NELL1: variants seen among roughly 807,000 people sequenced by gnomAD.
The protein encoded by NELL1 is neural EGFL like 1.
NELL1 carries 76 observed loss-of-function variants against 107.4 expected under a neutral mutation model. The ratio of observed to expected loss-of-function variants is 0.71; its 90% CI spans 0.59 to 0.86. The LOEUF (loss-of-function observed/expected upper bound fraction) is 0.86, where lower values mean the gene tolerates loss of function less well. NELL1 is among the 40% of genes least tolerant of loss of function. The pLI is 0.00. For synonymous variants in NELL1, 353 were observed against 341.2 expected, an observed-to-expected ratio of 1.03 and a Z score of -0.38; for missense variants, 1,024 against 1,005.5, an observed-to-expected ratio of 1.02 and a Z score of -0.25.
chr11:21,076,525 TCA>T (rs1329622579), intron 12 of NELL1, among the ~76,000 whole-genome samples: 1 of 152,196 alleles, frequency 6.6e-6, no homozygotes, highest in Non-Finnish European at 1.5e-5. Context: ...CTTCTCAGAC[TCA>T]CAGAGCCAGG....
chr11:21,478,346 CT>C (rs1854401960), intron 15 of NELL1, among the ~76,000 whole-genome samples: 1 of 152,144 alleles, frequency 6.6e-6, no homozygotes, highest in Admixed American at 6.6e-5. Context: ...CATTCTGCCC[CT>C]GGTCTCTCCC....
chr11:21,541,326 C>T (rs1856288092), intron 16 of NELL1, among the ~76,000 whole-genome samples: 1 of 152,042 alleles, frequency 6.6e-6, no homozygotes, highest in African/African-American at 2.4e-5. Flanking sequence ...GTAAATGGCA[C>T]AGTGAGGATT....
chr11:20,856,327 G>A (rs770985991), intron 4 of NELL1, among the ~76,000 whole-genome samples: 2 of 152,118 alleles, frequency 1.3e-5, no homozygotes, highest in South Asian at 2.1e-4. Context: ...CAATTAGAGT[G>A]GAAATAATTT....
chr11:21,112,126 T>G (rs1344612788), intron 12 of NELL1, among the ~76,000 whole-genome samples: 2 of 152,068 alleles, frequency 1.3e-5, no homozygotes, highest in Non-Finnish European at 2.9e-5. Flanking sequence ...TGCAGGAAGT[T>G]GATTGCCTGA....
chr11:21,456,112 C>T (rs1853724343), intron 15 of NELL1, among the ~76,000 whole-genome samples: 1 of 151,990 alleles, frequency 6.6e-6, no homozygotes, highest in South Asian at 2.1e-4. Flanking sequence ...AGTCTGGTCT[C>T]GAACTCCTGG....
intron 14 of NELL1, among the ~76,000 whole-genome samples, chr11:21,293,251 A>G (rs1849309389): frequency 1.3e-5 from 2 of 151,550 alleles, no homozygotes; most frequent in Admixed American, 6.6e-5. Context: ...AAACAACAAA[A>G]AACCCCATCA....
chr11:21,064,419 G>A (rs1056959519), intron 12 of NELL1, among the ~76,000 whole-genome samples: 16 of 152,114 alleles, frequency 1.1e-4, no homozygotes, highest in African/African-American at 3.6e-4. Flanking sequence ...AGAGAGGAGG[G>A]GGTGACAGTC....
intron 16 of NELL1, among the ~76,000 whole-genome samples, chr11:21,548,313 G>A (rs1856492245): frequency 6.6e-6 from 1 of 151,774 alleles, no homozygotes; most frequent in Non-Finnish European, 1.5e-5. Context: ...CAATGTATAG[G>A]TTGTCATGTT....
intron 15 of NELL1, among the ~76,000 whole-genome samples, chr11:21,479,938 G>A (rs1211111789): frequency 6.6e-6 from 1 of 152,012 alleles, no homozygotes; most frequent in Non-Finnish European, 1.5e-5. Context: ...ACAGCTCTAA[G>A]TCATTCATCT....
chr11:21,139,350 C>G (rs915543507), intron 13 of NELL1, among the ~76,000 whole-genome samples: 2 of 152,176 alleles, frequency 1.3e-5, no homozygotes, highest in Non-Finnish European at 2.9e-5. Flanking sequence ...AAGCACTTCC[C>G]CTCACATCTG....
chr11:21,024,203 A>G (rs1395993574), intron 12 of NELL1, among the ~76,000 whole-genome samples: 1 of 152,148 alleles, frequency 6.6e-6, no homozygotes, highest in Non-Finnish European at 1.5e-5. Flanking sequence ...TCGTTCATTT[A>G]TTTACTTCAT....
chr11:20,937,394 A>G (rs139356779), intron 9 of NELL1, among the ~76,000 whole-genome samples: 2 of 152,320 alleles, frequency 1.3e-5, no homozygotes, highest in East Asian at 3.9e-4. Context: ...GGAATGGAAT[A>G]TATGTGAGTC....
At chr11:21,004,146 G>C (rs1852281112) in intron 12 of NELL1, among the ~76,000 whole-genome samples, 1 of 152,050 alleles carries the variant, frequency 6.6e-6, no homozygotes, top group South Asian at 2.1e-4. Flanking sequence ...CTAAGGTTTA[G>C]TTATTTTAGT....
intron 12 of NELL1, among the ~76,000 whole-genome samples, chr11:21,072,526 C>T (rs1854039349): frequency 6.6e-6 from 1 of 152,136 alleles, no homozygotes; most frequent in Non-Finnish European, 1.5e-5. Context: ...GCTGCAAGTT[C>T]TTGGCATTTT....
chr11:20,727,249 C>T (rs552179492), intron 2 of NELL1, among the ~76,000 whole-genome samples: 3 of 152,310 alleles, frequency 2.0e-5, no homozygotes, highest in South Asian at 2.1e-4. Flanking sequence ...CACATCCTCT[C>T]CAGCACCTGT....
intron 17 of NELL1, among the ~76,000 whole-genome samples, chr11:21,567,473 A>G (rs907007247): frequency 1.3e-5 from 2 of 151,736 alleles, no homozygotes; most frequent in Non-Finnish European, 2.9e-5. Flanking sequence ...TACACATGCA[A>G]ATGTATATGT....
At chr11:20,956,645 CAAAAAAAAA>C (rs541321546) in intron 11 of NELL1, among the ~76,000 whole-genome samples, 1 of 89,490 alleles carries the variant, frequency 1.1e-5, no homozygotes, top group African/African-American at 3.9e-5. Context: ...GACTCCATCT[CAAAAAAAAA>C]AAAAAAAAAT....
intron 15 of NELL1, among the ~76,000 whole-genome samples, chr11:21,496,544 G>C (rs1294398949): frequency 6.6e-6 from 1 of 151,406 alleles, no homozygotes; most frequent in Non-Finnish European, 1.5e-5. Flanking sequence ...CGAGTAGCTG[G>C]GACTACAGGC....
intron 4 of NELL1, among the ~76,000 whole-genome samples, chr11:20,855,871 A>AAAAAAC (rs1200966482): frequency 6.6e-6 from 1 of 152,210 alleles, no homozygotes; most frequent in Non-Finnish European, 1.5e-5. Flanking sequence ...TTTTTAATTG[A>AAAAAAC]AAAAACAAAA....
Sources: allele counts gnomAD v4.1 joint callset (sites outside exome capture counted in the v4.1 genomes callset), GRCh38; gene constraint gnomAD v4.1.1; transcripts MANE v1.5; gene names NCBI Gene and HGNC (gene_info 2026-07-23, HGNC 2026-07-21).